Variants in NRP2 observed in about 807,000 individuals in gnomAD.
NRP2 encodes neuropilin 2, also known as neuropilin-2.
A neutral mutation model predicts 110.4 loss-of-function variants in NRP2; 52 were observed. The observed-to-expected ratio is 0.47, with a 90% CI of 0.38 to 0.59. The LOEUF (loss-of-function observed/expected upper bound fraction) is 0.59, where lower values mean the gene tolerates loss of function less well. Among genes scored for constraint, NRP2 ranks in the 20% least tolerant of loss-of-function variants. The probability of loss-of-function intolerance (pLI) is 0.00; values close to 1 mark genes in which losing one functional copy is unlikely to be tolerated. For synonymous variants in NRP2, 508 were observed against 468.9 expected, an observed-to-expected ratio of 1.08 and a Z score of -1.08; for missense variants, 1,049 against 1,203.0, an observed-to-expected ratio of 0.87 and a Z score of 1.89.
chr2:205,769,196 G>A (rs1193627027), intron 15 of NRP2, among the ~76,000 whole-genome samples: 2 of 152,186 alleles, frequency 1.3e-5, no homozygotes, highest in Admixed American at 1.3e-4. Context: ...GAAAGTTGAT[G>A]TTGAAACACT....
chr2:205,747,923 G>T (rs1051598196), intron 10 of NRP2, among the ~76,000 whole-genome samples: 3 of 152,130 alleles, frequency 2.0e-5, no homozygotes, highest in African/African-American at 7.2e-5. Flanking sequence ...GATCAGAGTT[G>T]AGGAGCGTTC....
intron 1 of NRP2, among the ~76,000 whole-genome samples, chr2:205,684,835 A>C (rs376696584): frequency 1.2e-4 from 19 of 152,286 alleles, no homozygotes; most frequent in African/African-American, 4.6e-4. Context: ...ATGCTGCGTA[A>C]ATTATGTATG....
At chr2:205,704,743 C>T (rs1481896611) in intron 2 of NRP2, among the ~76,000 whole-genome samples, 3 of 152,200 alleles carry the variant, frequency 2.0e-5, no homozygotes, top group Admixed American at 6.5e-5. Context: ...GCTGTAGATG[C>T]CCTTCTTAAC....
At chr2:205,721,295 G>A (rs2057006861) in intron 3 of NRP2, among the ~76,000 whole-genome samples, 1 of 152,132 alleles carries the variant, frequency 6.6e-6, no homozygotes, top group Non-Finnish European at 1.5e-5. Context: ...TTTCTGGTTG[G>A]TTGTGTTTTT....
intron 1 of NRP2, 138 bp from the exon 2 acceptor site, chr2:205,697,406 G>A (rs1332199167): frequency 7.3e-6 from 6 of 826,446 alleles, no homozygotes; most frequent in Non-Finnish European, 1.3e-5. Flanking sequence ...TGAGTAAGTA[G>A]GTTAGTCTTC....
chr2:205,779,925 G>A (rs561627660), intron 15 of NRP2, among the ~76,000 whole-genome samples: 1 of 152,268 alleles, frequency 6.6e-6, no homozygotes, highest in African/African-American at 2.4e-5. Flanking sequence ...AATTTGTGCA[G>A]CTGAGACAAC....
chr2:205,794,676 T>C lies in NRP2; in HGVS notation c.2477-78T>C. The C allele has an allele frequency of 3.4e-6, 5 of 1,473,956 alleles. No individual in the cohort carries two copies. The South Asian group carries it at 5.7e-5, about 17-fold the overall frequency. 91.3% of individuals were successfully genotyped at this position (1,473,956 alleles called of 1,614,324 possible). The stretch of plus-strand genomic sequence containing the variant: ...GCTAACTACTGTGCTCTGAAGAGCC[T>C]CTGGGCTGGGGAGGCTCAGTCACTT... On this transcript the variant is annotated intron_variant, in intron 16 of 16. Coordinates refer to ENST00000357785, the MANE Select transcript of NRP2 (RefSeq NM_003872.3).
intron 1 of NRP2, among the ~76,000 whole-genome samples, chr2:205,692,287 AC>A: frequency 6.6e-6 from 1 of 152,238 alleles, no homozygotes; most frequent in Non-Finnish European, 1.5e-5. Context: ...TCAAACAGCC[AC>A]ATTCCTGGGC....
chr2:205,743,110 T>A (rs1364447738), intron 8 of NRP2, 93 bp from the exon 9 acceptor site: 2 of 1,598,038 alleles, frequency 1.3e-6, no homozygotes, highest in African/African-American at 2.7e-5. Flanking sequence ...TATTTGACAG[T>A]TGGGCTCTTT....
intron 12 of NRP2, chr2:205,761,580 G>A (rs1463141205): frequency 6.6e-6 from 1 of 152,246 alleles, no homozygotes; most frequent in Non-Finnish European, 1.5e-5. Flanking sequence ...CAAAGGGACG[G>A]GGTAGATGGA....
intron 2 of NRP2, among the ~76,000 whole-genome samples, chr2:205,711,981 T>C (rs1382755443): frequency 6.6e-6 from 1 of 152,178 alleles, no homozygotes; most frequent in Non-Finnish European, 1.5e-5. Flanking sequence ...GAGGAAGAGA[T>C]GAGATTGTTG....
chr2:205,729,326 A>G (rs1014324942), intron 7 of NRP2, among the ~76,000 whole-genome samples: 12 of 152,342 alleles, frequency 7.9e-5, no homozygotes, highest in African/African-American at 2.2e-4. Flanking sequence ...CACGATAAGG[A>G]AAGTGAGGTA....
At chr2:205,780,523 G>C (rs4675542) in intron 15 of NRP2, among the ~76,000 whole-genome samples, 26,111 of 152,080 alleles carry the variant, frequency 0.17, 2,814 homozygotes, top group East Asian at 0.23. Flanking sequence ...CCTCCCAGCA[G>C]TTCATGGTTT....
At chr2:205,712,141 C>A (rs1230007530) in intron 2 of NRP2, among the ~76,000 whole-genome samples, 1 of 152,162 alleles carries the variant, frequency 6.6e-6, no homozygotes, top group Non-Finnish European at 1.5e-5. Flanking sequence ...GCTCACCATG[C>A]AGACTTCAGA....
At chr2:205,749,654 G>C (rs1257925203) in intron 10 of NRP2, 71 bp from the exon 11 acceptor site, 3 of 1,183,684 alleles carry the variant, frequency 2.5e-6, no homozygotes, top group African/African-American at 3.0e-5. Flanking sequence ...GAGATGTTTG[G>C]CATCTTCCTC....
chr2:205,777,533 G>A (rs1317172827), intron 15 of NRP2: 4 of 152,260 alleles, frequency 2.6e-5, no homozygotes, highest in African/African-American at 7.2e-5. Flanking sequence ...TTGAGAGGAG[G>A]AGGAGGTGGA....
In NRP2 at chr2:205,722,669, A is replaced by C. The variant is rs1450295566; in HGVS notation, c.625A>C (p.Lys209Gln). 1 of 1,614,194 alleles carries C rather than the reference A, an allele frequency of 6.2e-7. No homozygotes were observed. The part of the protein sequence containing the change: ...DPLQVGEGDC[K>Q]YDWLDIWDGI... ...TTTGCAGGTGGGAGAGGGGGACTGCAAGTACGATTGGCTGGACATCTGGGA... is the reference window on the plus strand; with the variant it reads ...TTTGCAGGTGGGAGAGGGGGACTGCCAGTACGATTGGCTGGACATCTGGGA... Residue 209 changes from lysine to glutamine, a missense_variant, in exon 4 of 17, where the codon AAG becomes CAG. By Grantham distance (53) the Lys-to-Gln change is moderately conservative. Coordinates refer to ENST00000357785, the MANE Select transcript of NRP2 (RefSeq NM_003872.3).
In NRP2 at chr2:205,763,667, C is replaced by T. The variant is rs1336274035; in HGVS notation, c.2045-7C>T. On this transcript the variant is annotated splice_region_variant and splice_polypyrimidine_tract_variant and intron_variant, in intron 12 of 16. Coordinates refer to ENST00000357785, the MANE Select transcript of NRP2 (RefSeq NM_003872.3). This position sits in a 1 kb window ranked among gnomAD's most constrained non-coding sequence, Gnocchi z 4.0. ...GGAGAACCTCTGTTTGGGTTTGTTT[C>T]TGCCAGATGACAGGAATTTCTTGCG... 6.2e-7 allele frequency: 1 copy of T among 1,614,148 alleles called. No individual in the cohort carries two copies. The highest frequency in any genetic ancestry group is 1.3e-5 in the African/African-American group (1 of 75,064).
At chr2:205,743,103 T>A in intron 8 of NRP2, 100 bp from the exon 9 acceptor site, 1 of 1,596,880 alleles carries the variant, frequency 6.3e-7, no homozygotes, top group Non-Finnish European at 8.5e-7. Context: ...GACTTAGTAT[T>A]TGACAGTTGG....
Sources: gnomAD v4.1 joint callset for allele counts (sites outside exome capture counted in the v4.1 genomes callset) on GRCh38, gnomAD v4.1.1 for gene constraint, Gnocchi (gnomAD v3.1) non-coding constraint, MANE v1.5 for transcripts, NCBI Gene and HGNC (gene_info 2026-07-23, HGNC 2026-07-21) for gene names.